The following ZNF385B variants were observed in gnomAD, a reference collection of about 807,000 sequenced individuals.
The protein encoded by ZNF385B is zinc finger protein 533.
In ZNF385B, 23 loss-of-function variants were observed where a neutral mutation model predicts 39.2. The observed-to-expected ratio is 0.59, with a 90% CI of 0.42 to 0.83. The LOEUF is 0.83. Ranked by LOEUF, ZNF385B falls within the 40% of genes least tolerant of loss-of-function variation. The probability of loss-of-function intolerance (pLI) is 0.00; values close to 1 mark genes in which losing one functional copy is unlikely to be tolerated. For missense variants in ZNF385B, 552 were observed against 598.9 expected (o/e 0.92, Z 0.82); for synonymous variants, 205 against 222.6 (o/e 0.92, Z 0.70).
At chr2:179,489,646 A>G (rs930374966) in intron 5 of ZNF385B, among the ~76,000 whole-genome samples, 20 of 152,344 alleles carry the variant, frequency 1.3e-4, no homozygotes, top group African/African-American at 4.1e-4. Context: ...TGCTTTCTGC[A>G]TATATTTCTG....
chr2:179,806,120 C>T lies in ZNF385B; in HGVS notation c.-154-35448G>A, dbSNP rs566908743. 7.9e-5 allele frequency among the ~76,000 whole-genome samples: 12 copies of T among 151,988 alleles called. No individual in the cohort carries two copies. In the South Asian group the frequency reaches 2.5e-3, roughly 32 times the overall value. ...GTACCAACAAACAGACAAAAAAATG[C>T]CATAAACAATGTTAAAAGACAAGCC... On this transcript the variant is annotated intron_variant, in intron 1 of 9. Coordinates refer to ENST00000410066, the MANE Select transcript of ZNF385B (RefSeq NM_152520.6).
intron 3 of ZNF385B, among the ~76,000 whole-genome samples, chr2:179,651,038 AG>A (rs1214921477): frequency 6.6e-6 from 1 of 152,190 alleles, no homozygotes; most frequent in Non-Finnish European, 1.5e-5. Context: ...ACTCGAAGAA[AG>A]GACATGACTT....
chr2:179,716,510 T>C (rs531901725), intron 3 of ZNF385B, among the ~76,000 whole-genome samples: 3 of 152,244 alleles, frequency 2.0e-5, no homozygotes, highest in Non-Finnish European at 4.4e-5. Flanking sequence ...AAATGTTGCA[T>C]ATAAATTATG....
intron 5 of ZNF385B, among the ~76,000 whole-genome samples, chr2:179,492,318 T>A (rs2055323345): frequency 6.6e-6 from 1 of 152,146 alleles, no homozygotes; most frequent in Admixed American, 6.6e-5. Context: ...TACTCAATGA[T>A]AAGTAATGCA....
At chr2:179,571,866 A>C (rs895778499) in intron 3 of ZNF385B, among the ~76,000 whole-genome samples, 3 of 151,908 alleles carry the variant, frequency 2.0e-5, no homozygotes, top group Non-Finnish European at 4.4e-5. Flanking sequence ...ATCGGCCCAC[A>C]TTGTCTATGC....
intron 3 of ZNF385B, among the ~76,000 whole-genome samples, chr2:179,670,124 T>C (rs1421895149): frequency 6.6e-6 from 1 of 151,854 alleles, no homozygotes; most frequent in Non-Finnish European, 1.5e-5. Flanking sequence ...ACCCCGTCTC[T>C]ACTAAAAATA....
intron 3 of ZNF385B, among the ~76,000 whole-genome samples, chr2:179,616,139 A>G (rs1397828410): frequency 6.6e-6 from 1 of 152,174 alleles, no homozygotes; most frequent in African/African-American, 2.4e-5. Flanking sequence ...TTCCCTTCTA[A>G]GAACCTCAGT....
At chr2:179,709,510 CACACTGCATCT>C (rs1699848299) in intron 3 of ZNF385B, among the ~76,000 whole-genome samples, 3 of 152,126 alleles carry the variant, frequency 2.0e-5, no homozygotes, top group Admixed American at 2.0e-4. Flanking sequence ...TGAGGATGCC[CACACTGCATCT>C]ACACCACCTG....
At position 179,553,771 on chromosome 2, in the gene ZNF385B, G is replaced by A. The variant is rs995409846; in HGVS notation, c.299-8802C>T. On this transcript the variant is annotated intron_variant, in intron 3 of 9. Transcript: ENST00000410066. ...GCTTAAAGCGGTTCTTTTCTGCAAC[G>A]CATCTTAGAGTTTTTAATATACTAA... Among the ~76,000 whole-genome samples, 11 of 149,350 alleles carry A rather than the reference G, an allele frequency of 7.4e-5. 2 individuals are homozygous for A. The highest frequency in any genetic ancestry group is 2.5e-4 in the African/African-American group (10 of 39,728).
intron 3 of ZNF385B, among the ~76,000 whole-genome samples, chr2:179,736,695 C>G (rs374801975): frequency 1.3e-5 from 2 of 152,096 alleles, no homozygotes; most frequent in African/African-American, 4.8e-5. Context: ...CAGGGCCAGG[C>G]GTGTAGGCTC....
chr2:179,679,212 T>C (rs10183460), intron 3 of ZNF385B, among the ~76,000 whole-genome samples: 24,356 of 152,164 alleles, frequency 0.16, 1,998 homozygotes, highest in South Asian at 0.19. Context: ...ATTATAATAA[T>C]GTATTTTTAT....
chr2:179,695,285 T>C (rs994742653), intron 3 of ZNF385B, among the ~76,000 whole-genome samples: 1 of 152,086 alleles, frequency 6.6e-6, no homozygotes, highest in Non-Finnish European at 1.5e-5. Context: ...TGGTAAAGGA[T>C]TTTTAGATAT....
intron 1 of ZNF385B, among the ~76,000 whole-genome samples, chr2:179,819,148 T>C (rs1307030495): frequency 1.3e-5 from 2 of 152,028 alleles, no homozygotes; most frequent in African/African-American, 2.4e-5. Context: ...TGACTCCGAG[T>C]ATCCATTTGC....
chr2:179,860,350 G>A (rs917903046), intron 1 of ZNF385B, among the ~76,000 whole-genome samples: 3 of 152,128 alleles, frequency 2.0e-5, no homozygotes, highest in African/African-American at 7.2e-5. Flanking sequence ...CATAAAAACT[G>A]TGTGTCCTCC....
At chr2:179,713,179 T>C (rs1329715378) in intron 3 of ZNF385B, among the ~76,000 whole-genome samples, 1 of 152,170 alleles carries the variant, frequency 6.6e-6, no homozygotes, top group East Asian at 1.9e-4. Context: ...CTTACAATAT[T>C]TTCACCTAAG....
At chr2:179,643,739 G>T (rs570284277) in intron 3 of ZNF385B, among the ~76,000 whole-genome samples, 1 of 152,212 alleles carries the variant, frequency 6.6e-6, no homozygotes, top group South Asian at 2.1e-4. Flanking sequence ...AAGTACAAGG[G>T]TATAGGACAA....
chr2:179,766,774 AT>A (rs1036898356), intron 3 of ZNF385B, among the ~76,000 whole-genome samples: 4 of 152,116 alleles, frequency 2.6e-5, no homozygotes, highest in Admixed American at 6.5e-5. Flanking sequence ...ATTCCAATAT[AT>A]TTTTTTGTGT....
chr2:179,801,868 A>G (rs1706057340), intron 1 of ZNF385B, among the ~76,000 whole-genome samples: 1 of 152,178 alleles, frequency 6.6e-6, no homozygotes, highest in Non-Finnish European at 1.5e-5. Flanking sequence ...GCAGAAGGAA[A>G]GAGTCTGAGA....
intron 3 of ZNF385B, among the ~76,000 whole-genome samples, chr2:179,750,672 G>A (rs1328144740): frequency 1.3e-5 from 2 of 151,948 alleles, no homozygotes; most frequent in East Asian, 3.9e-4. Context: ...TCCAATACAT[G>A]GATTGTATAA....
Sources: gnomAD v4.1 joint callset for allele counts (sites outside exome capture counted in the v4.1 genomes callset) on GRCh38, gnomAD v4.1.1 for gene constraint, MANE v1.5 for transcripts, NCBI Gene and HGNC (gene_info 2026-07-23, HGNC 2026-07-21) for gene names.